The following USP35 variants were observed in gnomAD, a reference collection of about 807,000 sequenced individuals.
USP35 encodes ubiquitin carboxyl-terminal hydrolase 35.
In USP35, 69 loss-of-function variants were observed where a neutral mutation model predicts 83.8. The observed-to-expected ratio is 0.82, with a 90% CI of 0.68 to 1.01. USP35 has a LOEUF of 1.01. Among genes scored for constraint, USP35 ranks in the 50% least tolerant of loss-of-function variants. USP35 has a pLI of 0.00. For synonymous variants in USP35, 714 were observed against 589.5 expected (o/e 1.21, Z -3.06); for missense variants, 1,503 against 1,362.5 (o/e 1.10, Z -1.62).
chr11:78,220,405 T>C, the USP35 span: 8 of 1,598,988 alleles, frequency 5.0e-6, no homozygotes, highest in South Asian at 8.8e-5. Context: ...GCAGGACTGT[T>C]CGTGCCACTG....
chr11:78,190,260 T>C (rs960537789), intron 1 of USP35, among the ~76,000 whole-genome samples: 11 of 152,198 alleles, frequency 7.2e-5, no homozygotes, highest in Admixed American at 7.2e-4. Flanking sequence ...TGTTTTGTTT[T>C]TGTTTTGTGC....
rs545247269 is a variant in USP35 at position 78,215,080 on chromosome 11, A to G, written c.*1267A>G. Among the ~76,000 whole-genome samples the G allele has an allele frequency of 6.6e-6, 1 of 152,240 alleles. No individual in the cohort carries two copies. Among genetic ancestry groups the G allele is most frequent in the African/African-American group, 2.4e-5 (1 of 41,454 alleles). ...GTGAAAGCAGCAGACAGACACGCCC[A>G]GAACCCATCTCTAGACGCCTAAGAA... On this transcript the variant is annotated 3_prime_UTR_variant, in exon 11 of 11. Coordinates refer to ENST00000529308, the MANE Select transcript of USP35 (RefSeq NM_020798.4).
chr11:78,234,654 A>G, the USP35 span, among the ~76,000 whole-genome samples: 15 of 150,240 alleles, frequency 1.0e-4, no homozygotes, highest in Non-Finnish European at 2.1e-4. Flanking sequence ...GTATTTATAT[A>G]TATTTCTCTC....
Position 78,205,995 on chromosome 11 carries a change from T to C in USP35, c.1351T>C (p.Tyr451His). The C allele has an allele frequency of 1.2e-6, 2 of 1,614,252 alleles. No homozygotes were observed. Residue 451 changes from tyrosine to histidine, a missense_variant, in exon 7 of 11, where the codon TAT becomes CAT. Coordinates refer to ENST00000529308, the MANE Select transcript of USP35 (RefSeq NM_020798.4). Reference protein sequence around the residue: ...IGLINLGNTCYVNSILQALFM... With the variant: ...IGLINLGNTCHVNSILQALFM... ...TCTCATCAACCTGGGCAACACATGC[T>C]ATGTCAACAGCATCCTTCAGGCCTT...
At position 78,214,816 on chromosome 11, in the gene USP35, C is replaced by T. The variant is rs191110976; in HGVS notation, c.*1003C>T. The T allele has an allele frequency of 4.6e-4, 69 of 148,826 alleles. No individual in the cohort carries two copies. Among genetic ancestry groups the T allele is most frequent in the African/African-American group, 1.7e-3 (66 of 39,314 alleles). 9.2% of individuals were successfully genotyped at this position (148,826 alleles called of 1,614,324 possible). A position where few individuals can be genotyped will look rare whatever the true frequency, so the allele number is the denominator to read the frequency against. On this transcript the variant is annotated 3_prime_UTR_variant, in exon 11 of 11. Transcript: ENST00000529308. The stretch of plus-strand genomic sequence containing the variant: ...TGCCCCCCAGTGACGTGTGAGATGC[C>T]ACAGGGAGCCAAGAGCCCTCTACTG...
the USP35 span, chr11:78,226,867 G>T: frequency 7.4e-6 from 12 of 1,614,150 alleles, no homozygotes; most frequent in Non-Finnish European, 1.0e-5. Flanking sequence ...AGGCTGCGGG[G>T]GAGGTCGTAG....
chr11:78,220,921 G>A, the USP35 span, among the ~76,000 whole-genome samples: 4 of 152,178 alleles, frequency 2.6e-5, no homozygotes, highest in African/African-American at 7.2e-5. Context: ...CAGCCCCTGT[G>A]AAACTCCCAC....
chr11:78,232,967 A>G, the USP35 span, among the ~76,000 whole-genome samples: 2 of 151,830 alleles, frequency 1.3e-5, no homozygotes, highest in Admixed American at 6.6e-5. Context: ...AGCACCTAGT[A>G]TATAATGTGA....
intron 1 of USP35, among the ~76,000 whole-genome samples, chr11:78,191,992 C>T (rs960694227): frequency 6.6e-5 from 10 of 151,894 alleles, no homozygotes; most frequent in African/African-American, 2.2e-4. Flanking sequence ...TACAGGTGCC[C>T]GCCACCACGC....
At chr11:78,216,086 G>A (rs1419655770), downstream of USP35, 1 of 152,714 alleles carries the variant, frequency 6.5e-6, no homozygotes, top group African/African-American at 2.4e-5. Flanking sequence ...AGAGGAGGGA[G>A]TCTCCCCTTC....
intron 6 of USP35, among the ~76,000 whole-genome samples, chr11:78,202,851 T>A (rs1863398373): frequency 6.6e-6 from 1 of 152,200 alleles, no homozygotes; most frequent in Admixed American, 6.5e-5. Context: ...TGGCTGGGTC[T>A]GTCTGTTTCC....
rs1025561154 is a variant in USP35 at position 78,191,969 on chromosome 11, G to C, written c.-11+2812G>C. Among the ~76,000 whole-genome samples the C allele has an allele frequency of 5.9e-5, 9 of 151,276 alleles. No individual in the cohort carries two copies. The Admixed American group carries it at 6.0e-4, about 10-fold the overall frequency. ...CGCCATTCTCCTGCCTCAGCCTCCT[G>C]AGTAGCTGGGACTACAGGTGCCCGC... On this transcript the variant is annotated intron_variant, in intron 1 of 10. Transcript: ENST00000529308.
At position 78,213,819 on chromosome 11, in the gene USP35, A is replaced by G. The variant is rs763973867; in HGVS notation, c.*6A>G. The stretch of plus-strand genomic sequence containing the variant: ...TCCACAGACTGGTCTTCTAATGTGA[A>G]CCTGCTGCCAACCTGACCCCTTCCC... On this transcript the variant is annotated 3_prime_UTR_variant, in exon 11 of 11. Coordinates refer to ENST00000529308, the MANE Select transcript of USP35 (RefSeq NM_020798.4). The G allele has an allele frequency of 1.3e-6, 2 of 1,550,294 alleles. No homozygotes were observed. The highest frequency in any genetic ancestry group is 1.7e-4 in the Middle Eastern group (1 of 5,868).
In USP35 at chr11:78,214,670, A is replaced by C. The variant is rs1864021667; in HGVS notation, c.*857A>C. 2 of 150,788 alleles carry C rather than the reference A, an allele frequency of 1.3e-5. No homozygotes were observed. Among genetic ancestry groups the C allele is most frequent in the Non-Finnish European group, 3.0e-5 (2 of 67,162 alleles). The allele number at this position is 150,788 out of a possible 1,614,324, so 9.3% of individuals were successfully genotyped here. A position where few individuals can be genotyped will look rare whatever the true frequency, so the allele number is the denominator to read the frequency against. The stretch of plus-strand genomic sequence containing the variant: ...TAACTTCTAACCGAAGACAAGACAG[A>C]CACCCATGTTCATAAATAAATAAAA... On this transcript the variant is annotated 3_prime_UTR_variant, in exon 11 of 11. Coordinates refer to ENST00000529308, the MANE Select transcript of USP35 (RefSeq NM_020798.4).
intron 1 of USP35, among the ~76,000 whole-genome samples, chr11:78,189,598 C>T (rs1019495947): frequency 1.3e-5 from 2 of 152,164 alleles, no homozygotes; most frequent in Admixed American, 6.5e-5. Flanking sequence ...CTCTTACGGC[C>T]CTGGCCCTTG....
At chr11:78,204,646 G>C (rs561351510) in intron 6 of USP35, among the ~76,000 whole-genome samples, 2 of 152,274 alleles carry the variant, frequency 1.3e-5, no homozygotes, top group Admixed American at 1.3e-4. Flanking sequence ...TTCATGTTGT[G>C]GGGTGGAGGG....
chr11:78,196,397 G>A lies in USP35; in HGVS notation c.152G>A (p.Gly51Asp), dbSNP rs1863145262. 1.4e-6 allele frequency: 2 copies of A among 1,404,932 alleles called. No homozygotes were observed. The highest frequency in any genetic ancestry group is 6.1e-5 in the East Asian group (2 of 32,572). The allele number at this position is 1,404,932 out of a possible 1,614,324, so 87.0% of individuals were successfully genotyped here. A position where few individuals can be genotyped will look rare whatever the true frequency, so the allele number is the denominator to read the frequency against. The change falls in exon 2 of 11, where the codon GGC becomes GAC. Residue 51 changes from glycine (G) to aspartate (D), a missense_variant. Transcript: ENST00000529308. The surrounding 1 kb of genome is among the most constrained non-coding windows in gnomAD (Gnocchi z 4.8). ...GCGCTGGGCGCGCGCCTCTACGTGG[G>A]CGGCGCGGAGGAGCTGCCGCGCCGC... The part of the protein sequence containing the change: ...LLALGARLYV[G>D]GAEELPRRVG...
chr11:78,215,019 G>A lies in USP35; in HGVS notation c.*1206G>A, dbSNP rs536979314. On this transcript the variant is annotated 3_prime_UTR_variant, in exon 11 of 11. Transcript: ENST00000529308. ...TGGTGGTGTGGAGTTTGGGCCCAATGTCACAGACCCTCAAGATGTCACATC... is the reference window on the plus strand; with the variant it reads ...TGGTGGTGTGGAGTTTGGGCCCAATATCACAGACCCTCAAGATGTCACATC... 6.6e-6 allele frequency among the ~76,000 whole-genome samples: 1 copy of A among 152,248 alleles called. No individual in the cohort carries two copies. Among genetic ancestry groups the A allele is most frequent in the African/African-American group, 2.4e-5 (1 of 41,530 alleles).
chr11:78,223,854 G>A, the USP35 span, among the ~76,000 whole-genome samples: 1 of 152,208 alleles, frequency 6.6e-6, no homozygotes, highest in Non-Finnish European at 1.5e-5. Flanking sequence ...GCTGAGGCAG[G>A]TGGATCACTT....
Sources: allele counts gnomAD v4.1 joint callset (sites outside exome capture counted in the v4.1 genomes callset), GRCh38; gene constraint gnomAD v4.1.1; non-coding constraint Gnocchi (gnomAD v3.1); transcripts MANE v1.5; gene names NCBI Gene and HGNC (gene_info 2026-07-23, HGNC 2026-07-21).